Variants in ARHGAP10 observed in about 807,000 individuals in gnomAD.
The protein encoded by ARHGAP10 is rho GTPase-activating protein 10.
In ARHGAP10, 87 loss-of-function variants were observed where a neutral mutation model predicts 108.6. The observed-to-expected ratio is 0.80, with a 90% confidence interval of 0.67 to 0.96. The LOEUF is 0.96. Among genes scored for constraint, ARHGAP10 ranks in the 40% least tolerant of loss-of-function variants. The pLI, the probability that ARHGAP10 is intolerant of heterozygous loss-of-function variation, is 0.00. For synonymous variants in ARHGAP10, 347 were observed against 341.1 expected (o/e 1.02, Z -0.19); for missense variants, 939 against 954.5 (o/e 0.98, Z 0.21).
At position 148,002,353 on chromosome 4, in the gene ARHGAP10, G is replaced by A. The variant is rs1393222937; in HGVS notation, c.1717-20910G>A. On this transcript the variant is annotated intron_variant, in intron 18 of 22. Transcript: ENST00000336498. ...AGGATTTTTGCATCAATGTTCATCA[G>A]GGATATTGGTCTAAAATTCTCTTTT... 3.3e-5 allele frequency among the ~76,000 whole-genome samples: 5 copies of A among 152,116 alleles called. No homozygotes were observed. The South Asian group carries it at 1.0e-3, about 32-fold the overall frequency.
chr4:147,752,364 G>C (rs185216241), intron 1 of ARHGAP10, among the ~76,000 whole-genome samples: 112 of 152,100 alleles, frequency 7.4e-4, no homozygotes, highest in African/African-American at 2.7e-3. Flanking sequence ...AAAAGTTATA[G>C]GAAAGGAAGT....
chr4:147,800,898 G>A (rs1298788657), intron 1 of ARHGAP10, among the ~76,000 whole-genome samples: 1 of 152,118 alleles, frequency 6.6e-6, no homozygotes, highest in Admixed American at 6.5e-5. Context: ...TGCAACCCAC[G>A]CCTCGTGGGA....
At chr4:147,770,837 T>A (rs1393594101) in intron 1 of ARHGAP10, among the ~76,000 whole-genome samples, 2 of 152,186 alleles carry the variant, frequency 1.3e-5, no homozygotes, top group African/African-American at 2.4e-5. Flanking sequence ...CTGGGCAGCT[T>A]AAATAGCAGT....
chr4:147,803,669 TG>T (rs1731668111), intron 1 of ARHGAP10, among the ~76,000 whole-genome samples: 1 of 152,204 alleles, frequency 6.6e-6, no homozygotes, highest in African/African-American at 2.4e-5. Context: ...CACATTTGAG[TG>T]AGAACATGTG....
chr4:148,027,037 A>G (rs1727894177), intron 19 of ARHGAP10, among the ~76,000 whole-genome samples: 1 of 152,214 alleles, frequency 6.6e-6, no homozygotes, highest in Non-Finnish European at 1.5e-5. Context: ...AATACAAGGA[A>G]AGTTCAGGAG....
At chr4:147,936,053 CT>C (rs1019457970) in intron 13 of ARHGAP10, among the ~76,000 whole-genome samples, 3 of 152,140 alleles carry the variant, frequency 2.0e-5, no homozygotes, top group African/African-American at 7.2e-5. Context: ...GGCATGTTTG[CT>C]TGAATGCAGA....
At chr4:147,966,073 A>T (rs900060914) in intron 17 of ARHGAP10, among the ~76,000 whole-genome samples, 1 of 152,222 alleles carries the variant, frequency 6.6e-6, no homozygotes, top group East Asian at 1.9e-4. Context: ...GGGCTGAAAG[A>T]GTGATTGTGG....
chr4:147,928,985 A>G (rs1405421090), intron 13 of ARHGAP10, among the ~76,000 whole-genome samples: 1 of 152,208 alleles, frequency 6.6e-6, no homozygotes, highest in African/African-American at 2.4e-5. Context: ...TTGCTAGGTC[A>G]CATAGCTAGA....
At chr4:147,925,959 G>T (rs1163286021) in intron 13 of ARHGAP10, among the ~76,000 whole-genome samples, 1 of 152,208 alleles carries the variant, frequency 6.6e-6, no homozygotes, top group Admixed American at 6.5e-5. Flanking sequence ...GAAGCCTTTT[G>T]CTCTAGGAGA....
At chr4:147,854,064 C>G (rs201914883) in intron 4 of ARHGAP10, among the ~76,000 whole-genome samples, 6 of 152,096 alleles carry the variant, frequency 3.9e-5, no homozygotes, top group Admixed American at 6.6e-5. Flanking sequence ...TTAGGTTCTT[C>G]TCTTCTACCA....
intron 18 of ARHGAP10, among the ~76,000 whole-genome samples, chr4:148,022,307 G>A (rs1741599353): frequency 1.3e-5 from 2 of 152,110 alleles, no homozygotes; most frequent in South Asian, 4.1e-4. Context: ...GGTATTTGTG[G>A]GTTTTATATT....
intron 1 of ARHGAP10, among the ~76,000 whole-genome samples, chr4:147,820,982 C>A (rs1030709003): frequency 6.6e-6 from 1 of 152,168 alleles, no homozygotes; most frequent in African/African-American, 2.4e-5. Flanking sequence ...AAAATAGCAG[C>A]CATTTATTCC....
At chr4:147,749,581 ATTTAAT>A (rs1302743244) in intron 1 of ARHGAP10, among the ~76,000 whole-genome samples, 1 of 152,206 alleles carries the variant, frequency 6.6e-6, no homozygotes, top group Admixed American at 6.5e-5. Context: ...TATGTTCTTG[ATTTAAT>A]TTTAAATTTG....
At chr4:147,958,061 A>G (rs1221302199) in intron 16 of ARHGAP10, among the ~76,000 whole-genome samples, 4 of 152,226 alleles carry the variant, frequency 2.6e-5, no homozygotes, top group African/African-American at 9.6e-5. Context: ...ATGGAAATTT[A>G]TAAGACGAAA....
At chr4:147,751,295 A>G (rs1199935158) in intron 1 of ARHGAP10, among the ~76,000 whole-genome samples, 2 of 152,208 alleles carry the variant, frequency 1.3e-5, no homozygotes, top group Non-Finnish European at 2.9e-5. Context: ...TTATCTGAGA[A>G]GTACTAAAAC....
At chr4:147,966,505 G>A (rs967905943) in intron 17 of ARHGAP10, among the ~76,000 whole-genome samples, 175 bp from the exon 18 acceptor site, 12 of 152,196 alleles carry the variant, frequency 7.9e-5, no homozygotes, top group African/African-American at 2.9e-4. Flanking sequence ...AAAGGAGTAG[G>A]CAGGAGCATC....
At chr4:147,793,244 G>A (rs901756416) in intron 1 of ARHGAP10, among the ~76,000 whole-genome samples, 6 of 151,664 alleles carry the variant, frequency 4.0e-5, no homozygotes, top group Non-Finnish European at 8.8e-5. Context: ...GTATATATAT[G>A]TATGGTAGGT....
At chr4:147,897,575 T>A (rs534937798) in intron 10 of ARHGAP10, among the ~76,000 whole-genome samples, 1 of 152,314 alleles carries the variant, frequency 6.6e-6, no homozygotes, top group South Asian at 2.1e-4. Flanking sequence ...ACATGCATTT[T>A]AAAATAATCA....
Position 147,988,747 on chromosome 4 carries a change from T to TC in ARHGAP10, c.1716+21913dup, listed in dbSNP as rs557025930. On this transcript the variant is annotated intron_variant, in intron 18 of 22. Transcript: ENST00000336498. ...TTTGTGGCCTTTTAGTGTTGACTTT[T>TC]CCCCCACACTTCCGTGTAGGAACTG... Among the ~76,000 whole-genome samples the TC allele has an allele frequency of 1.6e-3, 247 of 152,256 alleles. 1 individual carries two copies. Among genetic ancestry groups the TC allele is most frequent in the African/African-American group, 5.6e-3 (232 of 41,564 alleles).
Sources: allele counts gnomAD v4.1 joint callset (sites outside exome capture counted in the v4.1 genomes callset), GRCh38; gene constraint gnomAD v4.1.1; transcripts MANE v1.5; gene names NCBI Gene and HGNC (gene_info 2026-07-23, HGNC 2026-07-21).